Variants in EML4 observed in about 807,000 individuals in gnomAD.
The protein encoded by EML4 is echinoderm microtubule-associated protein-like 4.
In EML4, 72 loss-of-function variants were observed where a neutral mutation model predicts 129.0. That is an observed-to-expected ratio of 0.56 (90% CI 0.46 to 0.68). EML4 has a LOEUF of 0.68. Ranked by LOEUF, EML4 falls within the 30% of genes least tolerant of loss-of-function variation. The pLI is 0.00. For synonymous variants in EML4, 532 were observed against 405.0 expected (o/e 1.31, Z -3.77); for missense variants, 1,363 against 1,190.6 (o/e 1.14, Z -2.13).
intron 5 of EML4, among the ~76,000 whole-genome samples, chr2:42,263,682 C>A (rs1201348959): frequency 6.6e-6 from 1 of 151,782 alleles, no homozygotes; most frequent in South Asian, 2.1e-4. Flanking sequence ...GGATTCCAGG[C>A]GTGAGCCACC....
In EML4 at chr2:42,245,690, A is replaced by G; in HGVS notation, c.208+3A>G. The G allele has an allele frequency of 6.3e-7, 1 of 1,595,848 alleles. No individual in the cohort carries two copies. Among genetic ancestry groups the G allele is most frequent in the South Asian group, 1.1e-5 (1 of 87,238 alleles). On this transcript the variant is annotated splice_donor_region_variant and intron_variant, in intron 2 of 22. Transcript: ENST00000318522. Reference sequence around the variant, plus strand: ...GAAAAAATCAGTCTCAAGTAAAGGTAATTGTGTTGTAAAGTTAAAAAGAGT... The same window carrying G: ...GAAAAAATCAGTCTCAAGTAAAGGTGATTGTGTTGTAAAGTTAAAAAGAGT...
At chr2:42,185,776 G>T (rs555319405) in intron 1 of EML4, among the ~76,000 whole-genome samples, 2 of 152,222 alleles carry the variant, frequency 1.3e-5, no homozygotes, top group African/African-American at 2.4e-5. Flanking sequence ...TAGTTTGCTC[G>T]TACTGGGGAG....
At chr2:42,217,903 A>G (rs1225775333) in intron 1 of EML4, among the ~76,000 whole-genome samples, 3 of 152,156 alleles carry the variant, frequency 2.0e-5, no homozygotes, top group Non-Finnish European at 4.4e-5. Flanking sequence ...TGATCATCTC[A>G]CTTTTGGAAC....
Position 42,332,368 on chromosome 2 carries a change from TA to T in EML4, c.*2163del, listed in dbSNP as rs1670148458. 1 of 210,674 alleles carries T rather than the reference TA, an allele frequency of 4.7e-6. No homozygotes were observed. Among genetic ancestry groups the T allele is most frequent in the African/African-American group, 2.3e-5 (1 of 44,010 alleles). The allele number at this position is 210,674 out of a possible 1,614,324, so 13.1% of individuals were successfully genotyped here. On this transcript the variant is annotated 3_prime_UTR_variant, in exon 23 of 23. Coordinates refer to ENST00000318522, the MANE Select transcript of EML4 (RefSeq NM_019063.5). ...GTTTAATGGTCAGTTAAATCTGTGA[TA>T]ATGGTTGGAAGTGGGTGGGGTTATG... is the stretch of plus-strand genomic sequence containing the variant.
chr2:42,248,612 A>G (rs1465650526), intron 2 of EML4, among the ~76,000 whole-genome samples: 3 of 152,182 alleles, frequency 2.0e-5, no homozygotes, highest in Non-Finnish European at 4.4e-5. Flanking sequence ...CTGGAGCCAC[A>G]GAACCATCTC....
chr2:42,181,926 A>G (rs1382272782), intron 1 of EML4, among the ~76,000 whole-genome samples: 4 of 152,270 alleles, frequency 2.6e-5, no homozygotes, highest in African/African-American at 7.2e-5. Context: ...ATTAAGGAAT[A>G]TATTTATGTA....
chr2:42,211,085 T>C (rs1672860142), intron 1 of EML4, among the ~76,000 whole-genome samples: 1 of 152,222 alleles, frequency 6.6e-6, no homozygotes, highest in Non-Finnish European at 1.5e-5. Flanking sequence ...ATAACTCTTT[T>C]TAGTATTTGC....
intron 2 of EML4, among the ~76,000 whole-genome samples, chr2:42,253,650 T>C (rs568562990): frequency 6.6e-6 from 1 of 152,320 alleles, no homozygotes; most frequent in African/African-American, 2.4e-5. Flanking sequence ...TAAGTACTTT[T>C]TGTGTGCTAG....
chr2:42,176,588 G>T (rs1222097927), intron 1 of EML4, among the ~76,000 whole-genome samples: 2 of 151,858 alleles, frequency 1.3e-5, no homozygotes, highest in Non-Finnish European at 1.5e-5. Flanking sequence ...ACCCTTCAAG[G>T]CTCAACTCAA....
At chr2:42,199,249 T>C (rs1672077483) in intron 1 of EML4, among the ~76,000 whole-genome samples, 1 of 152,060 alleles carries the variant, frequency 6.6e-6, no homozygotes, top group African/African-American at 2.4e-5. Flanking sequence ...GTTATAGAGG[T>C]GGATTATTCA....
chr2:42,298,707 C>T (rs1668092596), intron 13 of EML4, among the ~76,000 whole-genome samples: 1 of 150,894 alleles, frequency 6.6e-6, no homozygotes, highest in Non-Finnish European at 1.5e-5. Flanking sequence ...TTTTTTTTTC[C>T]AGTTTTCCAT....
At chr2:42,279,212 T>C (rs1340146932) in intron 6 of EML4, among the ~76,000 whole-genome samples, 2 of 152,200 alleles carry the variant, frequency 1.3e-5, no homozygotes, top group Non-Finnish European at 2.9e-5. Context: ...GAGTTTAGGT[T>C]GTTTCCACAT....
At chr2:42,285,644 G>A (rs770056137) in intron 9 of EML4, among the ~76,000 whole-genome samples, 65 of 150,406 alleles carry the variant, frequency 4.3e-4, no homozygotes, top group Non-Finnish European at 7.8e-4. Flanking sequence ...TGTCTCCCAG[G>A]CTGGAGTGCA....
chr2:42,269,492 A>G (rs1202085176), intron 6 of EML4, among the ~76,000 whole-genome samples: 1 of 151,716 alleles, frequency 6.6e-6, no homozygotes, highest in African/African-American at 2.4e-5. Context: ...TGTGGAACTT[A>G]CATTCATGCT....
At chr2:42,262,541 G>C (rs1010103095) in intron 4 of EML4, among the ~76,000 whole-genome samples, 3 of 152,052 alleles carry the variant, frequency 2.0e-5, no homozygotes, top group Admixed American at 6.5e-5. Context: ...TGGATATACT[G>C]TTGCAAGAAG....
chr2:42,210,247 T>G (rs539357395), intron 1 of EML4, among the ~76,000 whole-genome samples: 3 of 152,332 alleles, frequency 2.0e-5, no homozygotes, highest in South Asian at 2.1e-4. Flanking sequence ...TTTTCTTGTT[T>G]TTGATACCTC....
At chr2:42,326,448 G>T (rs1669816155) in intron 21 of EML4, among the ~76,000 whole-genome samples, 196 bp downstream of exon 21, 1 of 152,090 alleles carries the variant, frequency 6.6e-6, no homozygotes, top group Non-Finnish European at 1.5e-5. Flanking sequence ...AAGCACTTTT[G>T]GTCCTTAATA....
intron 6 of EML4, among the ~76,000 whole-genome samples, chr2:42,274,334 A>G (rs986070412): frequency 2.6e-5 from 4 of 152,224 alleles, no homozygotes; most frequent in Non-Finnish European, 2.9e-5. Context: ...AGTTGTAAGC[A>G]ATCTAAACGT....
At chr2:42,317,227 G>C (rs764554569) in intron 18 of EML4, among the ~76,000 whole-genome samples, 200 bp from the exon 19 acceptor site, 2 of 152,204 alleles carry the variant, frequency 1.3e-5, no homozygotes, top group African/African-American at 4.8e-5. Flanking sequence ...TCCAAGGCCT[G>C]TAAGCATCTC....
Sources: allele counts gnomAD v4.1 joint callset (sites outside exome capture counted in the v4.1 genomes callset), GRCh38; gene constraint gnomAD v4.1.1; transcripts MANE v1.5; gene names NCBI Gene and HGNC (gene_info 2026-07-23, HGNC 2026-07-21).